PARP12: variants seen among roughly 807,000 people sequenced by gnomAD.
PARP12 encodes protein mono-ADP-ribosyltransferase PARP12.
In PARP12, 59 loss-of-function variants were observed where a neutral mutation model predicts 72.4. The observed-to-expected ratio is 0.81, with a 90% confidence interval of 0.66 to 1.01. PARP12 has a LOEUF of 1.01. Ranked by LOEUF, PARP12 falls within the 50% of genes least tolerant of loss-of-function variation. The probability of loss-of-function intolerance (pLI) is 0.00; values close to 1 mark genes in which losing one functional copy is unlikely to be tolerated. For missense variants in PARP12, 851 were observed against 914.0 expected (o/e 0.93, Z 0.89); for synonymous variants, 403 against 371.4 (o/e 1.09, Z -0.98).
rs530542963 is a variant in PARP12, at chr7:140,037,559, A to G, written c.1324+156T>C. 5.3e-5 allele frequency among the ~76,000 whole-genome samples: 8 copies of G among 152,284 alleles called. No individual in the cohort carries two copies. In the South Asian group the frequency reaches 1.2e-3, roughly 24 times the overall value. ...TCCTCCACTGCACAGGGCCAGTGTCATCTGTCTCCAGGTCTACCTTGGACC... is the reference window on the plus strand; with the variant it reads ...TCCTCCACTGCACAGGGCCAGTGTCGTCTGTCTCCAGGTCTACCTTGGACC... On this transcript the variant is annotated intron_variant, in intron 7 of 11. Transcript: ENST00000263549.
intron 9 of PARP12, 108 bp downstream of exon 9, chr7:140,028,505 C>T: frequency 1.0e-6 from 1 of 1,001,388 alleles, no homozygotes; most frequent in African/African-American, 1.7e-5. Context: ...CCCCAATTAG[C>T]CCCAGCCTTA....
chr7:140,057,912 C>A lies in PARP12; in HGVS notation c.449G>T (p.Trp150Leu), dbSNP rs61729681. 67,629 of 1,614,132 alleles carry A rather than the reference C, an allele frequency of 0.042. 1,616 individuals are homozygous for A. Among genetic ancestry groups the A allele is most frequent in the Non-Finnish European group, 0.047 (55,725 of 1,180,000 alleles). The change falls in exon 2 of 12, where the codon TGG becomes TTG. Residue 150 changes from tryptophan to leucine, a missense_variant. Physicochemically the swap from Trp to Leu is moderately conservative, Grantham distance 61. Around this residue, in one of 3 missense-constraint regions of PARP12, gnomAD observed 492 missense variants for 489.3 expected, o/e 1.01. Transcript: ENST00000263549. ...LCQLLFQNDP[W>L]LLPEICQHYN... ...CCTGGCACTCACTTCTGGCAAAAGCCAGGGGTCGTTCTGAAACAAGAGTTG... is the reference window on the plus strand; with the variant it reads ...CCTGGCACTCACTTCTGGCAAAAGCAAGGGGTCGTTCTGAAACAAGAGTTG...
chr7:140,041,641 T>A lies in PARP12; in HGVS notation c.1182+3A>T, dbSNP rs1257154512. ...ACATTCACCCTCTTTCCATCACACT[T>A]ACCTGTCTTCCATATTCCTGCCAAG... On this transcript the variant is annotated splice_donor_region_variant and intron_variant, in intron 6 of 11. Transcript: ENST00000263549. 1.2e-6 allele frequency: 2 copies of A among 1,612,802 alleles called. No homozygotes were observed. The highest frequency in any genetic ancestry group is 4.5e-5 in the East Asian group (2 of 44,852).
chr7:140,049,567 G>T lies in PARP12; in HGVS notation c.863-2560C>A, dbSNP rs144576909. ...CCCAGGCACAGGTGTACTATGGACA[G>T]CCTGAGACAGGATCTCCCTGCAAAC... On this transcript the variant is annotated intron_variant, in intron 4 of 11. Transcript: ENST00000263549. 6.1e-4 allele frequency among the ~76,000 whole-genome samples: 93 copies of T among 152,302 alleles called. 1 individual carries two copies. The highest frequency in any genetic ancestry group is 1.9e-3 in the African/African-American group (81 of 41,560).
intron 6 of PARP12, among the ~76,000 whole-genome samples, chr7:140,040,756 A>G (rs1585095487): frequency 6.6e-6 from 1 of 152,188 alleles, no homozygotes; most frequent in South Asian, 2.1e-4. Context: ...TTCTTTATCA[A>G]TGGTGCCTTC....
chr7:140,056,929 A>G lies in PARP12; in HGVS notation c.687T>C (p.Asn229=). 6.2e-7 allele frequency: 1 copy of G among 1,613,972 alleles called. No individual in the cohort carries two copies. Among genetic ancestry groups the G allele is most frequent in the Non-Finnish European group, 8.5e-7 (1 of 1,180,012 alleles). The change falls in exon 3 of 12, where the codon AAT becomes AAC. Residue 229 remains asparagine, a synonymous_variant. Coordinates refer to ENST00000263549, the MANE Select transcript of PARP12 (RefSeq NM_022750.4). ...LVSRLPTIYR[N]AHDIKNKSSA... ...AGCTCTTATTCTTGATGTCATGTGCATTTCTATAAATGGTAGGCAGCCTGC... is the reference window on the plus strand; with the variant it reads ...AGCTCTTATTCTTGATGTCATGTGCGTTTCTATAAATGGTAGGCAGCCTGC...
chr7:140,057,737 G>T, intron 2 of PARP12, 162 bp downstream of exon 2: 2 of 1,025,436 alleles, frequency 2.0e-6, no homozygotes, highest in Admixed American at 2.9e-5. Flanking sequence ...GCTGGCCCTT[G>T]AACTTCACTG....
intron 4 of PARP12, among the ~76,000 whole-genome samples, chr7:140,049,757 G>A (rs117581020): frequency 0.017 from 2,540 of 152,312 alleles, 33 homozygotes; most frequent in Non-Finnish European, 0.027. Context: ...GCTGGAAGGT[G>A]CCCAGGACAG....
At chr7:140,056,658 A>T (rs10156003) in intron 3 of PARP12, among the ~76,000 whole-genome samples, 198 bp downstream of exon 3, 81,565 of 152,116 alleles carry the variant, frequency 0.54, 24,522 homozygotes, top group African/African-American at 0.82. Context: ...TGCTTGATCA[A>T]GTCTATGATT....
intron 2 of PARP12, 25 bp downstream of exon 2, chr7:140,057,874 A>G (rs1817251771): frequency 6.2e-7 from 1 of 1,613,640 alleles, no homozygotes. Flanking sequence ...GGAGCTGTGG[A>G]ACCCAGACTT....
At chr7:140,041,547 T>C in intron 6 of PARP12, 97 bp downstream of exon 6, 1 of 1,284,672 alleles carries the variant, frequency 7.8e-7, no homozygotes, top group Non-Finnish European at 1.1e-6. Context: ...CTCAGCTCTC[T>C]CAAGGATGCC....
chr7:140,062,447 A>AC, intron 1 of PARP12, 75 bp downstream of exon 1: 12 of 1,385,096 alleles, frequency 8.7e-6, no homozygotes, highest in Non-Finnish European at 1.1e-5. Context: ...TTCAAGTAGG[A>AC]CCCCCAAGCG....
At chr7:140,038,121 G>A in intron 6 of PARP12, 1 of 985,408 alleles carries the variant, frequency 1.0e-6, no homozygotes, top group Non-Finnish European at 1.2e-6. Flanking sequence ...CAACGGAGAG[G>A]AGGGCACTCA....
chr7:140,034,985 A>T (rs1272827823), intron 7 of PARP12, among the ~76,000 whole-genome samples: 1 of 152,118 alleles, frequency 6.6e-6, no homozygotes, highest in Non-Finnish European at 1.5e-5. Flanking sequence ...TTGTTGCTCA[A>T]GTGGACCTTG....
In PARP12 at chr7:140,026,771, G is replaced by A. The variant is rs369730117; in HGVS notation, c.1629-423C>T. 2.6e-5 allele frequency among the ~76,000 whole-genome samples: 4 copies of A among 152,240 alleles called. 1 individual carries two copies. Among genetic ancestry groups the A allele is most frequent in the South Asian group, 4.1e-4 (2 of 4,826 alleles). On this transcript the variant is annotated intron_variant, in intron 10 of 11. Transcript: ENST00000263549. Reference sequence around the variant, plus strand: ...CCCAGACTTCATCACTGTGCACAGAGTACACATTACACTACCCCAACCCCA... The same window carrying A: ...CCCAGACTTCATCACTGTGCACAGAATACACATTACACTACCCCAACCCCA...
intron 8 of PARP12, among the ~76,000 whole-genome samples, chr7:140,032,185 T>G (rs1489190380): frequency 6.6e-6 from 1 of 152,098 alleles, no homozygotes; most frequent in East Asian, 1.9e-4. Flanking sequence ...TGACCCATCT[T>G]TACCCCTGAG....
At chr7:140,038,122 A>C in intron 6 of PARP12, 1 of 985,384 alleles carries the variant, frequency 1.0e-6, no homozygotes, top group Non-Finnish European at 1.2e-6. Flanking sequence ...AACGGAGAGG[A>C]GGGCACTCAA....
chr7:140,057,409 T>G (rs942786142), intron 2 of PARP12: 2 of 540,744 alleles, frequency 3.7e-6, no homozygotes, highest in Non-Finnish European at 6.5e-6. Context: ...TCAAAGTGAC[T>G]AGAGCTGCTC....
chr7:140,026,098 C>T, intron 11 of PARP12, 99 bp downstream of exon 11: 1 of 1,561,510 alleles, frequency 6.4e-7, no homozygotes, highest in East Asian at 2.3e-5. Flanking sequence ...TGAACCTGCT[C>T]ATCAGCTCAG....
Sources: gnomAD v4.1 joint callset for allele counts (sites outside exome capture counted in the v4.1 genomes callset) on GRCh38, gnomAD v4.1.1 for gene constraint, gnomAD v4.1.1 regional missense constraint, MANE v1.5 for transcripts, NCBI Gene and HGNC (gene_info 2026-07-23, HGNC 2026-07-21) for gene names.